Variants in CPD observed in about 807,000 individuals in gnomAD.
CPD encodes the protein metallocarboxypeptidase D.
A neutral mutation model predicts 138.3 loss-of-function variants in CPD; 69 were observed. The ratio of observed to expected loss-of-function variants is 0.50; its 90% CI spans 0.41 to 0.61. The LOEUF (loss-of-function observed/expected upper bound fraction) is 0.61, where lower values mean the gene tolerates loss of function less well. Ranked by LOEUF, CPD falls within the 20% of genes least tolerant of loss-of-function variation. The probability of loss-of-function intolerance (pLI) is 0.00; values close to 1 mark genes in which losing one functional copy is unlikely to be tolerated. For missense variants in CPD, 1,432 were observed against 1,733.3 expected (o/e 0.83, Z 3.09); for synonymous variants, 651 against 642.1 (o/e 1.01, Z -0.21).
intron 2 of CPD, among the ~76,000 whole-genome samples, chr17:30,394,779 CAA>C (rs1267216935): frequency 6.6e-6 from 1 of 151,930 alleles, no homozygotes. Flanking sequence ...AACAGAATGT[CAA>C]AGAGAGGATG....
intron 11 of CPD, chr17:30,444,231 T>C: frequency 3.4e-6 from 1 of 296,032 alleles, no homozygotes; most frequent in Non-Finnish European, 6.3e-6. Context: ...ACCTGGACAT[T>C]AAACAAGACA....
At chr17:30,381,575 C>G (rs1338906948) in intron 1 of CPD, among the ~76,000 whole-genome samples, 1 of 152,158 alleles carries the variant, frequency 6.6e-6, no homozygotes, top group Non-Finnish European at 1.5e-5. Context: ...CTAACTCAGT[C>G]TTCAAGAATT....
At chr17:30,456,728 G>A in intron 17 of CPD, 1 of 465,678 alleles carries the variant, frequency 2.1e-6, no homozygotes, top group Non-Finnish European at 3.9e-6. Flanking sequence ...CGTAATCCCA[G>A]CTACTTGGGA....
chr17:30,455,874 T>G, intron 15 of CPD: 1 of 250,074 alleles, frequency 4.0e-6, no homozygotes, highest in Non-Finnish European at 7.6e-6. Context: ...TTATGGTGAG[T>G]TAAATAGTTG....
Position 30,455,477 on chromosome 17 carries a change from A to G in CPD, c.3337+7A>G, listed in dbSNP as rs765470188. 5 of 1,607,624 alleles carry G rather than the reference A, an allele frequency of 3.1e-6. No homozygotes were observed. Among genetic ancestry groups the G allele is most frequent in the Non-Finnish European group, 4.2e-6 (5 of 1,178,466 alleles). On this transcript the variant is annotated splice_region_variant and intron_variant, in intron 15 of 20. Transcript: ENST00000225719. ...GACAAGCCAGTACAGACAGGTATGTAGAATGTCATTTTATATATATACTGT... is the reference window on the plus strand; with the variant it reads ...GACAAGCCAGTACAGACAGGTATGTGGAATGTCATTTTATATATATACTGT...
intron 6 of CPD, among the ~76,000 whole-genome samples, chr17:30,424,676 T>G (rs1912355148): frequency 6.6e-6 from 1 of 152,260 alleles, no homozygotes; most frequent in Admixed American, 6.5e-5. Context: ...TGCTAATTTA[T>G]TGACTTCTCA....
chr17:30,384,862 A>G, intron 1 of CPD, 127 bp from the exon 2 acceptor site: 1 of 952,784 alleles, frequency 1.0e-6, no homozygotes, highest in Non-Finnish European at 1.6e-6. Context: ...AACAGCTGAT[A>G]GAGTTGTTTT....
Position 30,420,350 on chromosome 17 carries a change from G to A in CPD, c.995-491G>A, listed in dbSNP as rs375822879. 5.3e-4 allele frequency among the ~76,000 whole-genome samples: 81 copies of A among 152,062 alleles called. 1 individual carries two copies. Among genetic ancestry groups the A allele is most frequent in the African/African-American group, 1.6e-3 (68 of 41,482 alleles). ...AATCGTAGGTACTTAATAATGCTTC[G>A]GCATGAATATGCTTCACAACTTTGA... On this transcript the variant is annotated intron_variant, in intron 2 of 20. Coordinates refer to ENST00000225719, the MANE Select transcript of CPD (RefSeq NM_001304.5).
chr17:30,379,610 TA>T lies in CPD; in HGVS notation c.631del (p.Ser211ValfsTer52). On this transcript the variant is annotated frameshift_variant, in exon 1 of 21. Coordinates refer to ENST00000225719, the MANE Select transcript of CPD (RefSeq NM_001304.5). LOFTEE classifies it high-confidence loss of function. This position sits in a 1 kb window ranked among gnomAD's most constrained non-coding sequence, Gnocchi z 7.0. ...GPSGASGRDNSRGRDLNRSFP... is the reference protein window; with the variant it reads ...GPSGASGRDNXRGRDLNRSFP... ...CGTCCGGGGCCAGCGGCCGCGACAA[TA>T]GTCGCGGCCGCGACCTCAACCGAAG... The T allele has an allele frequency of 7.0e-7, 1 of 1,433,926 alleles. No individual in the cohort carries two copies. The highest frequency in any genetic ancestry group is 9.1e-7 in the Non-Finnish European group (1 of 1,101,854). The allele number at this position is 1,433,926 out of a possible 1,614,324, so 88.8% of individuals were successfully genotyped here. A position where few individuals can be genotyped will look rare whatever the true frequency, so the allele number is the denominator to read the frequency against.
chr17:30,422,701 A>G lies in CPD; in HGVS notation c.1335A>G (p.Val445=), dbSNP rs1206639859. ...ATATGCCATTGACTGTTACTAATGT[A>G]GTGGTGAAAGAAGGACCAGCCACAG... ...TGYMPLTVTN[V]VVKEGPATEV... is the part of the protein sequence containing the mutation. Residue 445 remains valine (V), a synonymous_variant, in exon 5 of 21, where the codon GTA becomes GTG. Coordinates refer to ENST00000225719, the MANE Select transcript of CPD (RefSeq NM_001304.5). 1 of 1,612,870 alleles carries G rather than the reference A, an allele frequency of 6.2e-7. No individual in the cohort carries two copies. The highest frequency in any genetic ancestry group is 1.7e-5 in the Admixed American group (1 of 59,864).
intron 5 of CPD, 38 bp downstream of exon 5, chr17:30,423,061 C>G: frequency 6.9e-7 from 1 of 1,441,558 alleles, no homozygotes; most frequent in Non-Finnish European, 9.5e-7. Flanking sequence ...TCAGTAGTGC[C>G]CCTCAAAGCC....
rs1367234758 is a variant in CPD at position 30,420,863 on chromosome 17, T to C, written c.1017T>C (p.Tyr339=). ...CAGGTGGTATGCAAGATTACAATTA[T>C]GTGTGGGCCAACTGTTTTGAGATCA... ...DVEGGMQDYN[Y]VWANCFEITL... is the part of the protein sequence containing the mutation. Residue 339 remains tyrosine, a synonymous_variant, in exon 3 of 21, where the codon TAT becomes TAC. Coordinates refer to ENST00000225719, the MANE Select transcript of CPD (RefSeq NM_001304.5). 17 of 1,612,082 alleles carry C rather than the reference T, an allele frequency of 1.1e-5. No homozygotes were observed. Among genetic ancestry groups the C allele is most frequent in the Middle Eastern group, 1.7e-4 (1 of 6,060 alleles).
chr17:30,407,797 C>T (rs1173747638), intron 2 of CPD, among the ~76,000 whole-genome samples: 2 of 152,124 alleles, frequency 1.3e-5, no homozygotes, highest in Admixed American at 1.3e-4. Context: ...GTTTCTTTTG[C>T]TGTGCAGAAG....
chr17:30,421,783 C>G lies in CPD; in HGVS notation c.1257C>G (p.Phe419Leu), dbSNP rs1912273890. Residue 419 changes from phenylalanine (F) to leucine (L), a missense_variant, in exon 4 of 21, where the codon TTC becomes TTG. This residue lies in a region of CPD where 160 missense variants were observed against 197.9 expected (regional missense o/e 0.81). Coordinates refer to ENST00000225719, the MANE Select transcript of CPD (RefSeq NM_001304.5). ...TCACAACAGGCAGATTTGGTGATTTCTACCGATTACTTGTTCCTGGAACTT... is the reference window on the plus strand; with the variant it reads ...TCACAACAGGCAGATTTGGTGATTTGTACCGATTACTTGTTCCTGGAACTT... ...HNITTGRFGD[F>L]YRLLVPGTYN... The G allele has an allele frequency of 6.2e-7, 1 of 1,613,628 alleles. No homozygotes were observed. The highest frequency in any genetic ancestry group is 1.7e-5 in the Admixed American group (1 of 59,978).
chr17:30,437,672 C>G (rs1349241846), intron 8 of CPD, among the ~76,000 whole-genome samples: 1 of 152,058 alleles, frequency 6.6e-6, no homozygotes, highest in African/African-American at 2.4e-5. Flanking sequence ...GGGTGACAAA[C>G]AAGACCCAGT....
At chr17:30,384,073 C>A (rs1911120276) in intron 1 of CPD, among the ~76,000 whole-genome samples, 1 of 152,104 alleles carries the variant, frequency 6.6e-6, no homozygotes, top group Admixed American at 6.5e-5. Context: ...AGCAGCCTTG[C>A]CTCCATGTCA....
intron 2 of CPD, among the ~76,000 whole-genome samples, chr17:30,391,699 T>G (rs975893413): frequency 3.9e-5 from 6 of 152,082 alleles, no homozygotes; most frequent in African/African-American, 1.4e-4. Context: ...AGAGACAAAT[T>G]AATGAATTTC....
intron 7 of CPD, among the ~76,000 whole-genome samples, chr17:30,428,911 C>G (rs1912491604): frequency 6.6e-6 from 1 of 151,634 alleles, no homozygotes; most frequent in African/African-American, 2.4e-5. Context: ...AGTATTAGCA[C>G]CAGGGGCAAT....
At chr17:30,384,451 T>C (rs1383813341) in intron 1 of CPD, among the ~76,000 whole-genome samples, 1 of 152,226 alleles carries the variant, frequency 6.6e-6, no homozygotes, top group Non-Finnish European at 1.5e-5. Context: ...ATTTACGTAT[T>C]ATGAAATACA....
Sources: allele counts gnomAD v4.1 joint callset (sites outside exome capture counted in the v4.1 genomes callset), GRCh38; gene constraint gnomAD v4.1.1; regional missense constraint gnomAD v4.1.1; non-coding constraint Gnocchi (gnomAD v3.1); transcripts MANE v1.5; gene names NCBI Gene and HGNC (gene_info 2026-07-23, HGNC 2026-07-21).